DOCK3: variants seen among roughly 807,000 people sequenced by gnomAD.
DOCK3 encodes the protein dedicator of cytokinesis 3.
In DOCK3, 60 loss-of-function variants were observed where a neutral mutation model predicts 265.6. The observed-to-expected ratio is 0.23, with a 90% CI of 0.18 to 0.28. The LOEUF is 0.28. DOCK3 is among the 10% of genes least tolerant of loss of function. The pLI is 1.00. For missense variants in DOCK3, 1,981 were observed against 2,594.3 expected, an observed-to-expected ratio of 0.76 and a Z score of 5.14; for synonymous variants, 881 against 938.0, an observed-to-expected ratio of 0.94 and a Z score of 1.11.
chr3:51,139,460 A>G (rs1465297517), intron 9 of DOCK3, among the ~76,000 whole-genome samples: 1 of 152,120 alleles, frequency 6.6e-6, no homozygotes, highest in Admixed American at 6.6e-5. Context: ...ATGGTGATGT[A>G]CCCGTCCATT....
chr3:51,321,321 A>G (rs2083712039), intron 32 of DOCK3, among the ~76,000 whole-genome samples: 1 of 152,232 alleles, frequency 6.6e-6, no homozygotes, highest in African/African-American at 2.4e-5. Flanking sequence ...CCTCATCTGA[A>G]GGTCACAAAT....
chr3:51,016,685 C>CATAATATATAAATATATATTATATATCA (rs2079294512), intron 5 of DOCK3, among the ~76,000 whole-genome samples: 3 of 24,616 alleles, frequency 1.2e-4, no homozygotes, highest in Non-Finnish European at 2.2e-4. Flanking sequence ...ATTTATATAT[C>CATAATATATAAATATATATTATATATCA]ATATAATATA....
At chr3:51,303,680 C>T (rs188443688) in intron 27 of DOCK3, among the ~76,000 whole-genome samples, 65 of 151,462 alleles carry the variant, frequency 4.3e-4, no homozygotes, top group Non-Finnish European at 7.7e-4. Flanking sequence ...TAGGGCTGCT[C>T]TGGTTTGCCG....
intron 6 of DOCK3, among the ~76,000 whole-genome samples, chr3:51,065,166 A>AT (rs2081545512): frequency 6.6e-6 from 1 of 152,174 alleles, no homozygotes; most frequent in Admixed American, 6.5e-5. Flanking sequence ...TTTTCAGTGA[A>AT]TATAATTGAT....
intron 5 of DOCK3, among the ~76,000 whole-genome samples, chr3:51,010,396 C>T (rs1395505582): frequency 6.6e-6 from 1 of 152,044 alleles, no homozygotes; most frequent in African/African-American, 2.4e-5. Context: ...CTCTTTTGAT[C>T]TTTGTTGGTT....
chr3:50,834,123 C>A (rs978124331), intron 2 of DOCK3, among the ~76,000 whole-genome samples: 12 of 151,816 alleles, frequency 7.9e-5, no homozygotes, highest in Non-Finnish European at 1.6e-4. Flanking sequence ...CCAGGAGAGT[C>A]CTGAAAGTTT....
intron 5 of DOCK3, among the ~76,000 whole-genome samples, chr3:51,043,946 G>A (rs916798695): frequency 1.3e-5 from 2 of 152,016 alleles, no homozygotes; most frequent in South Asian, 2.1e-4. Context: ...GCAAGGTTGT[G>A]GAGAAAAAGG....
At chr3:50,719,353 T>C in intron 1 of DOCK3, 1 of 348,570 alleles carries the variant, frequency 2.9e-6, no homozygotes, top group Non-Finnish European at 5.2e-6. Flanking sequence ...GAGGAAAATA[T>C]GGAACCCAAA....
chr3:50,742,005 T>A (rs1156479633), intron 1 of DOCK3, among the ~76,000 whole-genome samples: 1 of 152,166 alleles, frequency 6.6e-6, no homozygotes, highest in Non-Finnish European at 1.5e-5. Context: ...TGGTTTTGAT[T>A]TGCATTTCTC....
chr3:50,954,836 TA>T (rs1303047880), intron 5 of DOCK3, among the ~76,000 whole-genome samples: 2 of 152,182 alleles, frequency 1.3e-5, no homozygotes, highest in Non-Finnish European at 2.9e-5. Flanking sequence ...AATTAGATCC[TA>T]TTTGTCAATT....
At position 51,204,053 on chromosome 3, in the gene DOCK3, A is replaced by G. The variant is rs1304077288; in HGVS notation, c.1038-4721A>G. On this transcript the variant is annotated intron_variant, in intron 12 of 52. Transcript: ENST00000266037. ...AGACTTAAACGTTAGACCTAAAACC[A>G]TAAAAACCCTAGAAGAAAACCTAGG... Among the ~76,000 whole-genome samples the G allele has an allele frequency of 7.3e-3, 1,092 of 149,492 alleles. 13 individuals carry two copies. The highest frequency in any genetic ancestry group is 0.026 in the African/African-American group (1,048 of 40,846).
In DOCK3 at chr3:51,381,627, C is replaced by T. The variant is rs1265905915; in HGVS notation, c.*68C>T. 7.7e-6 allele frequency: 11 copies of T among 1,436,844 alleles called. No individual in the cohort carries two copies. In the East Asian group the frequency reaches 2.2e-4, roughly 29 times the overall value. The allele number at this position is 1,436,844 out of a possible 1,614,324, so 89.0% of individuals were successfully genotyped here. A position where few individuals can be genotyped will look rare whatever the true frequency, so the allele number is the denominator to read the frequency against. On this transcript the variant is annotated 3_prime_UTR_variant, in exon 53 of 53. Transcript: ENST00000266037. The surrounding 1 kb of genome is among the most constrained non-coding windows in gnomAD (Gnocchi z 5.6). ...TGCCAATCACTCCAGGTCTGAAAAG[C>T]AAGTCCCCCAGCCCCACCCCAGGGA...
At chr3:50,918,938 TA>T (rs2050280468) in intron 4 of DOCK3, among the ~76,000 whole-genome samples, 1 of 152,242 alleles carries the variant, frequency 6.6e-6, no homozygotes, top group African/African-American at 2.4e-5. Flanking sequence ...AATTTTCGTA[TA>T]AAGTGTAAGG....
intron 22 of DOCK3, among the ~76,000 whole-genome samples, chr3:51,254,515 G>T (rs1236526977): frequency 6.6e-6 from 1 of 152,034 alleles, no homozygotes; most frequent in African/African-American, 2.4e-5. Flanking sequence ...TCTCTTTGTA[G>T]GTCTCTAAGG....
chr3:51,287,633 A>G (rs1201046232), intron 27 of DOCK3, among the ~76,000 whole-genome samples: 1 of 152,222 alleles, frequency 6.6e-6, no homozygotes, highest in Non-Finnish European at 1.5e-5. Flanking sequence ...AAGTCAAAAA[A>G]TAACAAATGC....
At chr3:50,854,126 A>G (rs1364130203) in intron 3 of DOCK3, among the ~76,000 whole-genome samples, 1 of 151,714 alleles carries the variant, frequency 6.6e-6, no homozygotes, top group African/African-American at 2.4e-5. Context: ...AGACGTGTCT[A>G]TTCATGTCCT....
chr3:51,160,172 G>C (rs1052049444), intron 11 of DOCK3, among the ~76,000 whole-genome samples: 2 of 152,208 alleles, frequency 1.3e-5, no homozygotes, highest in African/African-American at 4.8e-5. Context: ...TGCATATGCA[G>C]TTTATACCTG....
At chr3:50,743,042 A>G (rs1431924366) in intron 1 of DOCK3, among the ~76,000 whole-genome samples, 3 of 152,180 alleles carry the variant, frequency 2.0e-5, no homozygotes, top group African/African-American at 4.8e-5. Flanking sequence ...AATATTCAAC[A>G]TTCTTAAAGA....
intron 2 of DOCK3, among the ~76,000 whole-genome samples, chr3:50,836,479 A>T (rs908614739): frequency 6.6e-6 from 1 of 152,190 alleles, no homozygotes; most frequent in Non-Finnish European, 1.5e-5. Context: ...CTCTGAAGCA[A>T]CAGCCTGAAG....
Sources: allele counts gnomAD v4.1 joint callset (sites outside exome capture counted in the v4.1 genomes callset), GRCh38; gene constraint gnomAD v4.1.1; non-coding constraint Gnocchi (gnomAD v3.1); transcripts MANE v1.5; gene names NCBI Gene and HGNC (gene_info 2026-07-23, HGNC 2026-07-21).